Variants in GLG1 observed in about 807,000 individuals in gnomAD.
GLG1 encodes the protein golgi glycoprotein 1, also known as Golgi apparatus protein 1.
GLG1 carries 38 observed loss-of-function variants against 160.5 expected under a neutral mutation model. That is an observed-to-expected ratio of 0.24 (90% confidence interval 0.18 to 0.31). GLG1 has a LOEUF of 0.31. GLG1 is among the 10% of genes least tolerant of loss of function. The pLI, the probability that GLG1 is intolerant of heterozygous loss-of-function variation, is 1.00. For missense variants in GLG1, 1,373 were observed against 1,505.2 expected, an observed-to-expected ratio of 0.91 and a Z score of 1.45; for synonymous variants, 644 against 543.4, an observed-to-expected ratio of 1.19 and a Z score of -2.57.
chr16:74,525,330 T>A (rs886260541), intron 2 of GLG1, among the ~76,000 whole-genome samples: 2 of 152,224 alleles, frequency 1.3e-5, no homozygotes, highest in African/African-American at 2.4e-5. Context: ...TCCTTCCTAA[T>A]GAGCGTGAAG....
chr16:74,509,467 A>G (rs1323377826), intron 2 of GLG1, among the ~76,000 whole-genome samples: 1 of 151,980 alleles, frequency 6.6e-6, no homozygotes, highest in Non-Finnish European at 1.5e-5. Context: ...AGATCTCACA[A>G]TCAACAGTGC....
At chr16:74,483,384 T>A (rs1397906612) in intron 9 of GLG1, among the ~76,000 whole-genome samples, 1 of 152,162 alleles carries the variant, frequency 6.6e-6, no homozygotes, top group Non-Finnish European at 1.5e-5. Flanking sequence ...TTATGAAAAC[T>A]TTCCAACACA....
intron 6 of GLG1, among the ~76,000 whole-genome samples, chr16:74,493,400 CAT>C (rs1246634232): frequency 6.6e-6 from 1 of 152,192 alleles, no homozygotes; most frequent in Non-Finnish European, 1.5e-5. Context: ...CTATCCAAAA[CAT>C]GTAAATATCT....
chr16:74,556,675 T>A (rs947695125), intron 1 of GLG1, among the ~76,000 whole-genome samples: 1 of 150,902 alleles, frequency 6.6e-6, no homozygotes, highest in African/African-American at 2.4e-5. Flanking sequence ...CAGGTTGGAA[T>A]AATATTATTA....
At chr16:74,478,009 T>C (rs1212137497) in intron 11 of GLG1, among the ~76,000 whole-genome samples, 1 of 151,266 alleles carries the variant, frequency 6.6e-6, no homozygotes, top group South Asian at 2.1e-4. Flanking sequence ...AATAAATAAA[T>C]AAATAAAATG....
In GLG1 at chr16:74,528,811, CAAAAAA is replaced by C. The variant is rs35777516; in HGVS notation, c.471+3304_471+3309del. On this transcript the variant is annotated intron_variant, in intron 2 of 25. Coordinates refer to ENST00000422840, the MANE Select transcript of GLG1 (RefSeq NM_001145667.2). ...TCAGTGACAGAGCGAGATTCTGTCTCAAAAAAAAAAAAAAAAAAAAAAAAATTGTTA... is the reference window on the plus strand; with the variant it reads ...TCAGTGACAGAGCGAGATTCTGTCTCAAAAAAAAAAAAAAAAAAATTGTTA... Among the ~76,000 whole-genome samples the C allele has an allele frequency of 2.2e-4, 14 of 62,798 alleles. No homozygotes were observed. In the South Asian group the frequency reaches 3.4e-3, roughly 15 times the overall value. 41.2% of individuals were successfully genotyped at this position (62,798 alleles called of 152,430 possible). A position where few individuals can be genotyped will look rare whatever the true frequency, so the allele number is the denominator to read the frequency against.
intron 1 of GLG1, among the ~76,000 whole-genome samples, chr16:74,542,475 C>T (rs565694114): frequency 1.3e-5 from 2 of 151,604 alleles, no homozygotes; most frequent in Non-Finnish European, 2.9e-5. Flanking sequence ...CCAAGACCAG[C>T]GTGGCCAACG....
chr16:74,482,615 C>A (rs1403439303), intron 10 of GLG1, among the ~76,000 whole-genome samples: 2 of 151,900 alleles, frequency 1.3e-5, no homozygotes, highest in African/African-American at 4.8e-5. Flanking sequence ...AATTCAGTAA[C>A]TCTGAATAAA....
Position 74,585,672 on chromosome 16 carries a change from T to C in GLG1, c.438+20985A>G, listed in dbSNP as rs549067703. ...GCAGTGAGCCAAGATCACGCTACTG[T>C]ACTCCAGCCTGGGTGACAGAGCCTG... On this transcript the variant is annotated intron_variant, in intron 1 of 25. Coordinates refer to ENST00000422840, the MANE Select transcript of GLG1 (RefSeq NM_001145667.2). 2.6e-3 allele frequency among the ~76,000 whole-genome samples: 361 copies of C among 140,728 alleles called. 3 individuals carry two copies. Among genetic ancestry groups the C allele is most frequent in the African/African-American group, 9.4e-3 (351 of 37,448 alleles). The allele number at this position is 140,728 out of a possible 152,430, so 92.3% of individuals were successfully genotyped here.
At chr16:74,531,736 GCA>G (rs2017541398) in intron 2 of GLG1, among the ~76,000 whole-genome samples, 1 of 152,112 alleles carries the variant, frequency 6.6e-6, no homozygotes, top group African/African-American at 2.4e-5. Flanking sequence ...AATACTTTTT[GCA>G]CAGAGTTGAT....
chr16:74,517,728 G>C (rs573422761), intron 2 of GLG1, among the ~76,000 whole-genome samples: 8 of 152,176 alleles, frequency 5.3e-5, no homozygotes, highest in South Asian at 2.1e-4. Flanking sequence ...AGCAATAAAG[G>C]GTATTCAAAT....
At position 74,467,831 on chromosome 16, in the gene GLG1, C is replaced by G; in HGVS notation, c.2454G>C (p.Leu818Phe). The G allele has an allele frequency of 6.2e-7, 1 of 1,612,516 alleles. No individual in the cohort carries two copies. The highest frequency in any genetic ancestry group is 8.5e-7 in the Non-Finnish European group (1 of 1,178,796). The change falls in exon 18 of 26, where the codon TTG (leucine) becomes TTC (phenylalanine). Residue 818 changes from leucine (L) to phenylalanine (F), a missense_variant. By Grantham distance (22) the Leu-to-Phe change is conservative (BLOSUM62 0). Coordinates refer to ENST00000422840, the MANE Select transcript of GLG1 (RefSeq NM_001145667.2). ...EELEMTEDIR[L>F]EPDLYEACKS... The stretch of plus-strand genomic sequence containing the variant: ...TGCAGGCTTCGTATAGATCTGGCTC[C>G]AAGCGGATGTCCTCCGTCTGCATGA...
chr16:74,570,067 G>C (rs1182684878), intron 1 of GLG1, among the ~76,000 whole-genome samples: 1 of 150,812 alleles, frequency 6.6e-6, no homozygotes, highest in Non-Finnish European at 1.5e-5. Context: ...GAAATTTTTT[G>C]ATGGCTCATA....
chr16:74,546,769 C>T (rs1416976753), intron 1 of GLG1, among the ~76,000 whole-genome samples: 3 of 130,628 alleles, frequency 2.3e-5, no homozygotes, highest in Admixed American at 9.7e-5. Context: ...ACCTGGGAAG[C>T]GGAGGTTGCA....
At chr16:74,571,804 T>C (rs961860174) in intron 1 of GLG1, among the ~76,000 whole-genome samples, 2 of 152,046 alleles carry the variant, frequency 1.3e-5, no homozygotes, top group African/African-American at 4.8e-5. Flanking sequence ...ACAGAGACCC[T>C]GTCTCAAAAA....
Position 74,447,625 on chromosome 16 carries a change from TTTTC to T in GLG1, c.*5538_*5541del, listed in dbSNP as rs2014119188. The T allele has an allele frequency of 1.3e-5, 2 of 152,262 alleles. No homozygotes were observed. The highest frequency in any genetic ancestry group is 2.4e-5 in the African/African-American group (1 of 41,472). The allele number at this position is 152,262 out of a possible 1,614,324, so 9.4% of individuals were successfully genotyped here. A position where few individuals can be genotyped will look rare whatever the true frequency, so the allele number is the denominator to read the frequency against. ...CAAAAGAGGCTTGTTAATTGTATTT[TTTTC>T]TTTCTTTCAAAAACAAAACAAAACA... On this transcript the variant is annotated 3_prime_UTR_variant, in exon 26 of 26. Coordinates refer to ENST00000422840, the MANE Select transcript of GLG1 (RefSeq NM_001145667.2).
intron 1 of GLG1, among the ~76,000 whole-genome samples, chr16:74,592,345 T>C (rs1342013785): frequency 6.6e-6 from 1 of 152,122 alleles, no homozygotes; most frequent in Non-Finnish European, 1.5e-5. Context: ...GTTTCCCCCA[T>C]GTTGCCCAGG....
chr16:74,554,072 T>C (rs542874694), intron 1 of GLG1, among the ~76,000 whole-genome samples: 1 of 152,282 alleles, frequency 6.6e-6, no homozygotes, highest in East Asian at 1.9e-4. Context: ...ACTGAGTATT[T>C]AAGAACCAGG....
chr16:74,483,011 C>G lies in GLG1; in HGVS notation c.1673+12G>C, dbSNP rs749115377. On this transcript the variant is annotated intron_variant, in intron 10 of 25. Coordinates refer to ENST00000422840, the MANE Select transcript of GLG1 (RefSeq NM_001145667.2). The stretch of plus-strand genomic sequence containing the variant: ...TGAGGCAATACATTTACTTTGGCTT[C>G]AAAATACTCACTTCCAATCCCGGGA... 6.8e-7 allele frequency: 1 copy of G among 1,463,886 alleles called. No homozygotes were observed. Among genetic ancestry groups the G allele is most frequent in the African/African-American group, 1.4e-5 (1 of 72,136 alleles). 90.7% of individuals were successfully genotyped at this position (1,463,886 alleles called of 1,614,324 possible).
Sources: allele counts gnomAD v4.1 joint callset (sites outside exome capture counted in the v4.1 genomes callset), GRCh38; gene constraint gnomAD v4.1.1; transcripts MANE v1.5; gene names NCBI Gene and HGNC (gene_info 2026-07-23, HGNC 2026-07-21).